The following TTC34 variants were observed in gnomAD, a reference collection of about 807,000 sequenced individuals.
TTC34 encodes the protein tetratricopeptide repeat domain 34, also known as tetratricopeptide repeat protein 34.
TTC34 carries 44 observed loss-of-function variants against 40.7 expected under a neutral mutation model. That is an observed-to-expected ratio of 1.08 (90% CI 0.85 to 1.39). TTC34 has a LOEUF of 1.39. TTC34 is among the 40% of genes most tolerant of loss of function. The pLI is 0.00. For synonymous variants in TTC34, 422 were observed against 398.6 expected (o/e 1.06, Z -0.70); for missense variants, 884 against 838.0 (o/e 1.05, Z -0.68).
chr1:2,785,354 G>A (rs2100623530), intron 5 of TTC34, among the ~76,000 whole-genome samples: 1 of 151,742 alleles, frequency 6.6e-6, no homozygotes, highest in African/African-American at 2.4e-5. Flanking sequence ...CAGACACCTG[G>A]CCCCCCAACC....
intron 6 of TTC34, among the ~76,000 whole-genome samples, chr1:2,677,444 CCACGCCCCCAGGCGAG>C (rs1639946687): frequency 3.0e-5 from 3 of 99,966 alleles, no homozygotes; most frequent in Admixed American, 1.1e-4. Context: ...GGAGCAGCAC[CCACGCCCCCAGGCGAG>C]CATCTGAACA....
At chr1:2,688,853 CCCCAGG>C (rs1640494302) in intron 6 of TTC34, among the ~76,000 whole-genome samples, 2 of 81,020 alleles carry the variant, frequency 2.5e-5, no homozygotes. Flanking sequence ...CACCCTGCAC[CCCCAGG>C]TGCGCACGTG....
intron 6 of TTC34, among the ~76,000 whole-genome samples, chr1:2,748,566 TGC>T (rs1641220786): frequency 5.4e-4 from 25 of 46,472 alleles, no homozygotes; most frequent in African/African-American, 2.1e-3. Flanking sequence ...CACACCACCA[TGC>T]GAGCATCTGA....
Position 2,684,983 on chromosome 1 carries a change from G to A in TTC34, c.2227-39420C>T, listed in dbSNP as rs567555097. ...CCCCAGACGAGCATCTGACAGCTTA[G>A]AACAGCACCCATACCCCCAGGCGAG... On this transcript the variant is annotated intron_variant, in intron 6 of 8. Coordinates refer to ENST00000401095, the Ensembl canonical transcript of TTC34. 6.6e-4 allele frequency among the ~76,000 whole-genome samples: 94 copies of A among 142,710 alleles called. 5 individuals are homozygous for A. The highest frequency in any genetic ancestry group is 1.3e-3 in the Admixed American group (18 of 14,374). 93.6% of individuals were successfully genotyped at this position (142,710 alleles called of 152,430 possible). A position where few individuals can be genotyped will look rare whatever the true frequency, so the allele number is the denominator to read the frequency against.
intron 3 of TTC34, among the ~76,000 whole-genome samples, chr1:2,787,908 C>G (rs974050353): frequency 2.0e-5 from 3 of 152,262 alleles, no homozygotes; most frequent in African/African-American, 7.2e-5. Context: ...TGCCCTTCTC[C>G]TACCCTGTGG....
intron 6 of TTC34, among the ~76,000 whole-genome samples, chr1:2,775,831 C>T (rs1277572833): frequency 6.9e-6 from 1 of 144,148 alleles, no homozygotes; most frequent in African/African-American, 2.8e-5. Context: ...GCAGTGCCCA[C>T]CCCTGGGTGA....
chr1:2,754,896 G>C (rs1641455237), intron 6 of TTC34, among the ~76,000 whole-genome samples: 1 of 57,454 alleles, frequency 1.7e-5, no homozygotes, highest in Non-Finnish European at 2.9e-5. Context: ...ACAGCACCCT[G>C]CACCCCCAGG....
chr1:2,791,411 A>G (rs1230846251), intron 2 of TTC34, among the ~76,000 whole-genome samples: 2 of 152,230 alleles, frequency 1.3e-5, no homozygotes, highest in East Asian at 3.9e-4. Flanking sequence ...ATTTTCAAAC[A>G]GCTTTTCCTT....
chr1:2,749,439 G>GT (rs1641245122), intron 6 of TTC34, among the ~76,000 whole-genome samples: 1 of 45,282 alleles, frequency 2.2e-5, no homozygotes, highest in African/African-American at 1.3e-4. Context: ...GAACAGCACC[G>GT]ACACCCCCAG....
chr1:2,682,037 C>T (rs1410073863), intron 6 of TTC34, among the ~76,000 whole-genome samples: 3 of 92,658 alleles, frequency 3.2e-5, no homozygotes, highest in South Asian at 4.1e-4. Flanking sequence ...CACAGGTGAG[C>T]ATCTGACATT....
intron 6 of TTC34, among the ~76,000 whole-genome samples, chr1:2,748,799 A>T (rs1378861510): frequency 6.9e-6 from 1 of 143,952 alleles, no homozygotes; most frequent in Non-Finnish European, 1.5e-5. Flanking sequence ...CGGAACCCAC[A>T]CCCACAGGCG....
intron 6 of TTC34, among the ~76,000 whole-genome samples, chr1:2,688,698 G>A (rs1569572911): frequency 8.1e-6 from 1 of 123,606 alleles, no homozygotes. Flanking sequence ...GCACCCCCAG[G>A]AGAGCATCTG....
At chr1:2,688,276 T>A (rs1237931607) in intron 6 of TTC34, among the ~76,000 whole-genome samples, 183 of 10,998 alleles carry the variant, frequency 0.017, no homozygotes, top group African/African-American at 0.013. Context: ...ACAGCCTGGA[T>A]CAGCACCCAC....
intron 6 of TTC34, among the ~76,000 whole-genome samples, chr1:2,683,263 A>G (rs1570803711): frequency 2.0e-5 from 3 of 149,606 alleles, no homozygotes; most frequent in South Asian, 2.1e-4. Flanking sequence ...TTGCAGCAGC[A>G]CCCACACCCA....
Position 2,645,587 on chromosome 1 carries a change from G to GGCCC in TTC34, c.2227-25_2227-24insGGGC. On this transcript the variant is annotated intron_variant, in intron 6 of 8. Coordinates refer to ENST00000401095, the Ensembl canonical transcript of TTC34. This position sits in a 1 kb window ranked among gnomAD's most constrained non-coding sequence, Gnocchi z 4.7. ...TCCTGCAAGGAGGGAGGGCGGGCGG[G>GGCCC]TGCAGAGTTGTCCTAAGTAGAGAAA... 1.3e-5 allele frequency: 3 copies of GGCCC among 229,526 alleles called. No homozygotes were observed. Among genetic ancestry groups the GGCCC allele is most frequent in the Non-Finnish European group, 2.6e-5 (3 of 116,448 alleles). The allele number at this position is 229,526 out of a possible 1,614,324, so 14.2% of individuals were successfully genotyped here.
chr1:2,688,237 C>A (rs1203072935), intron 6 of TTC34, among the ~76,000 whole-genome samples: 1 of 123,078 alleles, frequency 8.1e-6, no homozygotes, highest in African/African-American at 3.6e-5. Flanking sequence ...CAGCCTGGAG[C>A]AGCACCCACA....
intron 6 of TTC34, among the ~76,000 whole-genome samples, chr1:2,675,194 C>G (rs1262037233): frequency 3.0e-4 from 45 of 149,434 alleles, no homozygotes; most frequent in Non-Finnish European, 6.3e-4. Flanking sequence ...TGGAGCAGCA[C>G]CGACAACCCC....
chr1:2,789,823 C>T, exon 3 of TTC34: 1 of 443,590 alleles, frequency 2.3e-6, no homozygotes, highest in Admixed American at 4.4e-5. Flanking sequence ...TCTGGAAGTC[C>T]TCCATGGCGC....
At chr1:2,798,144 CT>C in intron 2 of TTC34, among the ~76,000 whole-genome samples, 1 of 134,366 alleles carries the variant, frequency 7.4e-6, no homozygotes, top group Admixed American at 7.4e-5. Context: ...CTCCCAGCCT[CT>C]CAGCCTCTTA....
Sources: gnomAD v4.1 joint callset for allele counts (sites outside exome capture counted in the v4.1 genomes callset) on GRCh38, gnomAD v4.1.1 for gene constraint, Gnocchi (gnomAD v3.1) non-coding constraint, MANE v1.5 for transcripts, NCBI Gene and HGNC (gene_info 2026-07-23, HGNC 2026-07-21) for gene names.